Variants in DPEP2 observed in about 807,000 individuals in gnomAD.
DPEP2 encodes the protein dipeptidase 2.
Under a neutral mutation model 51.8 loss-of-function variants are expected in DPEP2, and 45 were observed. That is an observed-to-expected ratio of 0.87 (90% CI 0.68 to 1.11). The LOEUF (loss-of-function observed/expected upper bound fraction) is 1.11. DPEP2 is among the 50% of genes most tolerant of loss of function. The probability of loss-of-function intolerance (pLI) is 0.00; values close to 1 mark genes in which losing one functional copy is unlikely to be tolerated. For missense variants in DPEP2, 604 were observed against 631.9 expected, an observed-to-expected ratio of 0.96 and a Z score of 0.47; for synonymous variants, 255 against 262.7, an observed-to-expected ratio of 0.97 and a Z score of 0.28.
At chr16:67,999,080 A>C (rs1235742336) in intron 1 of DPEP2, among the ~76,000 whole-genome samples, 1 of 152,146 alleles carries the variant, frequency 6.6e-6, no homozygotes, top group African/African-American at 2.4e-5. Context: ...ACACTGTGGA[A>C]GCTTTGTTCT....
Position 67,987,957 on chromosome 16 carries a change from T to C in DPEP2, c.1101A>G (p.Thr367=). ...KFPQGLEDVS[T]YPVLIEELLS... is the part of the protein sequence containing the mutation. ...GCAACTCCTCTATCAGGACCGGGTA[T>C]GTGGACACGTCTTCCAGCCCCTGAG... Residue 367 remains threonine (T), a synonymous_variant, in exon 10 of 11, where the codon ACA becomes ACG. Transcript: ENST00000393847. The C allele has an allele frequency of 1.9e-6, 3 of 1,614,144 alleles. No individual in the cohort carries two copies. Among genetic ancestry groups the C allele is most frequent in the Non-Finnish European group, 2.5e-6 (3 of 1,180,028 alleles).
chr16:67,993,488 C>T (rs2032450523), intron 1 of DPEP2: 1 of 1,220,586 alleles, frequency 8.2e-7, no homozygotes, highest in African/African-American at 1.6e-5. Context: ...TGGGCGCCCA[C>T]TCGCGGCCTG....
At chr16:67,999,571 T>C, upstream of DPEP2, 5 of 927,376 alleles carry the variant, frequency 5.4e-6, no homozygotes, top group Non-Finnish European at 5.1e-6. Context: ...CTAACACTTG[T>C]TTACTTCTGG....
rs371285489 is a variant in DPEP2 at position 67,993,242 on chromosome 16, G to A, written c.-30C>T. 6 of 1,413,634 alleles carry A rather than the reference G, an allele frequency of 4.2e-6. No homozygotes were observed. In the South Asian group the frequency reaches 9.2e-5, roughly 22 times the overall value. The allele number at this position is 1,413,634 out of a possible 1,614,324, so 87.6% of individuals were successfully genotyped here. ...TGCAGGGCCGGGCAGGCAGGCAGGG[G>A]TGGCAGTCAGAGAGCCTGAGAGGGG... On this transcript the variant is annotated 5_prime_UTR_variant, in exon 2 of 11. Transcript: ENST00000393847.
At chr16:67,990,709 C>G in intron 7 of DPEP2, 112 bp downstream of exon 7, 1 of 1,232,282 alleles carries the variant, frequency 8.1e-7, no homozygotes, top group Non-Finnish European at 1.1e-6. Flanking sequence ...AGTGATCAGC[C>G]CACCTCAGCC....
At chr16:67,993,948 CG>C in intron 1 of DPEP2, 2 of 985,574 alleles carry the variant, frequency 2.0e-6, no homozygotes, top group Non-Finnish European at 1.2e-6. Flanking sequence ...CCCCCCGCCC[CG>C]ACCGCACATT....
At chr16:67,992,723 C>A in intron 2 of DPEP2, 87 bp from the exon 3 acceptor site, 3 of 1,551,654 alleles carry the variant, frequency 1.9e-6, no homozygotes, top group Non-Finnish European at 2.6e-6. Context: ...ATCTGGGGAT[C>A]CCCATCCCTC....
At chr16:67,996,120 C>A (rs1275465298) in intron 1 of DPEP2, among the ~76,000 whole-genome samples, 1 of 151,832 alleles carries the variant, frequency 6.6e-6, no homozygotes, top group Non-Finnish European at 1.5e-5. Flanking sequence ...CTCACTGCAG[C>A]CTTAACCTCT....
intron 1 of DPEP2, among the ~76,000 whole-genome samples, chr16:67,998,106 C>G (rs2032804698): frequency 6.6e-6 from 1 of 152,222 alleles, no homozygotes; most frequent in Non-Finnish European, 1.5e-5. Context: ...TGGGCTCCCA[C>G]TTTGGCGGCA....
At chr16:67,993,298 C>G in intron 1 of DPEP2, 41 bp from the exon 2 acceptor site, 1 of 1,355,534 alleles carries the variant, frequency 7.4e-7, no homozygotes, top group Non-Finnish European at 9.5e-7. Flanking sequence ...ACGATGGAGT[C>G]CCGACCCTCG....
intron 1 of DPEP2, among the ~76,000 whole-genome samples, chr16:67,998,853 C>A (rs1225374440): frequency 6.6e-6 from 1 of 152,148 alleles, no homozygotes; most frequent in Non-Finnish European, 1.5e-5. Flanking sequence ...CTGGTGGGGC[C>A]TTGGAGAACC....
Position 67,992,949 on chromosome 16 carries a change from C to G in DPEP2, c.263+1G>C. 1 of 1,609,558 alleles carries G rather than the reference C, an allele frequency of 6.2e-7. No homozygotes were observed. The highest frequency in any genetic ancestry group is 2.2e-5 in the East Asian group (1 of 44,810). On this transcript the variant is annotated splice_donor_variant, in intron 2 of 10. Coordinates refer to ENST00000393847, the MANE Select transcript of DPEP2 (RefSeq NM_022355.4). LOFTEE classifies it high-confidence loss of function. Reference sequence around the variant, plus strand: ...ATCGCCCCCTTGCAGCAATTACGCACCCGTCCACGAGCGGGAAGTCCCGCA... The same window carrying G: ...ATCGCCCCCTTGCAGCAATTACGCAGCCGTCCACGAGCGGGAAGTCCCGCA...
rs776277985 is a variant in DPEP2 at position 67,992,992 on chromosome 16, T to C, written c.221A>G (p.Glu74Gly). Residue 74 changes from glutamate to glycine, a missense_variant, in exon 2 of 11, where the codon GAG becomes GGG. Glu to Gly is a moderately conservative substitution (Grantham distance 98, BLOSUM62 -2). Transcript: ENST00000393847. ...GTCCCGCATCAGGGCCCGTGCCTGC[T>C]CTTGCAGGCCCTGGGTGCTGGGACT... ...LSSPSTQGLQ[E>G]QARALMRDFP... is the part of the protein sequence containing the mutation. 2 of 1,610,310 alleles carry C rather than the reference T, an allele frequency of 1.2e-6. No homozygotes were observed. The highest frequency in any genetic ancestry group is 4.5e-5 in the East Asian group (2 of 44,800).
chr16:67,988,074 C>T (rs2031633928), intron 9 of DPEP2, 87 bp from the exon 10 acceptor site: 1 of 1,577,458 alleles, frequency 6.3e-7, no homozygotes, highest in South Asian at 1.1e-5. Context: ...AACCCCAGCC[C>T]TGGTCAGGTA....
chr16:67,994,147 G>C (rs1044816411), intron 1 of DPEP2: 5 of 985,388 alleles, frequency 5.1e-6, no homozygotes, highest in Non-Finnish European at 6.0e-6. Context: ...CAGAGTCCCC[G>C]GCCGCAGCAC....
chr16:67,994,845 C>A (rs933585011), intron 1 of DPEP2: 4 of 985,304 alleles, frequency 4.1e-6, no homozygotes, highest in East Asian at 1.1e-4. Context: ...GAAGGCAGAT[C>A]GATGGCCGAG....
At position 67,992,189 on chromosome 16, in the gene DPEP2, C is replaced by T; in HGVS notation, c.395G>A (p.Trp132Ter). The change falls in exon 4 of 11, where the codon TGG (tryptophan) becomes TAG (stop). Residue 132 changes from tryptophan (W) to a stop codon, truncating the protein, a stop_gained. Transcript: ENST00000393847. LOFTEE classifies it high-confidence loss of function. ...GGTCTGGCATGGCACATAGGCTGAC[C>T]AGAACTGGGGGGAAGGCCAGGGTTT... ...LRDGLVGAQF[W>*]SAYVPCQTQD... 6.2e-7 allele frequency: 1 copy of T among 1,613,954 alleles called. No individual in the cohort carries two copies. Among genetic ancestry groups the T allele is most frequent in the Non-Finnish European group, 8.5e-7 (1 of 1,179,922 alleles).
rs1005054568 is a variant in DPEP2 at position 67,993,151 on chromosome 16, A to G, written c.62T>C (p.Leu21Pro). 9.2e-6 allele frequency: 14 copies of G among 1,527,102 alleles called. No homozygotes were observed. In the African/African-American group the frequency reaches 1.4e-4, roughly 15 times the overall value. 94.6% of individuals were successfully genotyped at this position (1,527,102 alleles called of 1,614,324 possible). A position where few individuals can be genotyped will look rare whatever the true frequency, so the allele number is the denominator to read the frequency against. ...TFGRWPLLSL[L>P]LLLLLLQPVT... ...AGGCTGGAGCAGCAGCAGCAGGAGC[A>G]GCAGACTCAGCAGAGGCCACCGACC... Residue 21 changes from leucine (L) to proline (P), a missense_variant, in exon 2 of 11, where the codon CTG (leucine) becomes CCG (proline). By Grantham distance (98) the Leu-to-Pro change is moderately conservative (BLOSUM62 -3). Coordinates refer to ENST00000393847, the MANE Select transcript of DPEP2 (RefSeq NM_022355.4).
intron 1 of DPEP2, chr16:67,994,223 G>A (rs906969441): frequency 1.1e-5 from 11 of 985,382 alleles, no homozygotes; most frequent in Admixed American, 6.2e-5. Flanking sequence ...AGGAAGCCCC[G>A]GCCTCGTCCA....
Sources: gnomAD v4.1 joint callset for allele counts (sites outside exome capture counted in the v4.1 genomes callset) on GRCh38, gnomAD v4.1.1 for gene constraint, MANE v1.5 for transcripts, NCBI Gene and HGNC (gene_info 2026-07-23, HGNC 2026-07-21) for gene names.